The following CYP2J2 variants were observed in gnomAD, a reference collection of about 807,000 sequenced individuals.
CYP2J2 encodes cytochrome P450 2J2.
Under a neutral mutation model 48.8 loss-of-function variants are expected in CYP2J2, and 41 were observed. The ratio of observed to expected loss-of-function variants is 0.84; its 90% CI spans 0.66 to 1.09. The LOEUF (loss-of-function observed/expected upper bound fraction) is 1.09, where lower values mean the gene tolerates loss of function less well. CYP2J2 is among the 50% of genes least tolerant of loss of function. The pLI, the probability that CYP2J2 is intolerant of heterozygous loss-of-function variation, is 0.00. For synonymous variants in CYP2J2, 221 were observed against 227.1 expected (o/e 0.97, Z 0.24); for missense variants, 644 against 617.3 (o/e 1.04, Z -0.46).
rs181737961 is a variant in CYP2J2, at chr1:59,926,692, G to A, written c.55C>T (p.Arg19Trp). The change falls in exon 1 of 9, where the codon CGG becomes TGG. Residue 19 changes from arginine to tryptophan, a missense_variant. Arg to Trp is a moderately radical substitution (Grantham distance 101, BLOSUM62 -3). Transcript: ENST00000371204. ...GCGACAGTGCCCAGTAGGAGAGTCC[G>A]AGGATGGACCACTGCCCAGAGGGCA... Reference protein sequence around the residue: ...AAALWAVVHPRTLLLGTVAFL... With the variant: ...AAALWAVVHPWTLLLGTVAFL... 187 of 1,614,100 alleles carry A rather than the reference G, an allele frequency of 1.2e-4. No homozygotes were observed. The East Asian group carries it at 3.6e-3, about 31-fold the overall frequency.
chr1:59,901,632 G>A (rs1644320688), intron 7 of CYP2J2, among the ~76,000 whole-genome samples: 1 of 152,182 alleles, frequency 6.6e-6, no homozygotes. Flanking sequence ...AGGAGCCCCT[G>A]TCCATCCAGG....
rs948733232 is a variant in CYP2J2, at chr1:59,893,735, G to A, written c.1425C>T (p.Asn475=). The A allele has an allele frequency of 1.2e-6, 2 of 1,613,250 alleles. No homozygotes were observed. Among genetic ancestry groups the A allele is most frequent in the South Asian group, 1.1e-5 (1 of 90,698 alleles). ...TAAACTTCAGGCTCAGCTTCTCATT[G>A]TTTGGGGGCCTGAAGGTAAATTTTT... ...LMQKFTFRPP[N]NEKLSLKFRM... is the part of the protein sequence containing the mutation. Residue 475 remains asparagine, a synonymous_variant, in exon 9 of 9, where the codon AAC becomes AAT. Coordinates refer to ENST00000371204, the MANE Select transcript of CYP2J2 (RefSeq NM_000775.4).
intron 4 of CYP2J2, among the ~76,000 whole-genome samples, chr1:59,910,939 AT>A (rs1306187978): frequency 6.6e-6 from 1 of 152,210 alleles, no homozygotes; most frequent in African/African-American, 2.4e-5. Context: ...GAATTAGAAG[AT>A]TGATGATATT....
At chr1:59,952,684 C>A in the CYP2J2 span, among the ~76,000 whole-genome samples, 1 of 152,128 alleles carries the variant, frequency 6.6e-6, no homozygotes, top group African/African-American at 2.4e-5. Flanking sequence ...ATCAGAAATA[C>A]AAGTACTCCA....
chr1:59,901,253 C>G (rs1346453050), intron 7 of CYP2J2, 150 bp from the exon 8 acceptor site: 1 of 656,160 alleles, frequency 1.5e-6, no homozygotes, highest in East Asian at 2.6e-5. Flanking sequence ...CTGTGTCCCC[C>G]AACCCAGGAC....
chr1:59,912,810 C>T (rs1165900218), intron 2 of CYP2J2: 1 of 153,686 alleles, frequency 6.5e-6, no homozygotes, highest in East Asian at 1.9e-4. Context: ...CTTAAAGAGG[C>T]TAAGGCTAAG....
intron 8 of CYP2J2, among the ~76,000 whole-genome samples, chr1:59,896,222 ATATCAGTGG>A (rs1644267531): frequency 6.6e-6 from 1 of 152,154 alleles, no homozygotes; most frequent in South Asian, 2.1e-4. Context: ...CCCCTAGCTT[ATATCAGTGG>A]GCAGAGCTAA....
upstream of CYP2J2, among the ~76,000 whole-genome samples, chr1:59,929,897 C>T (rs1644595135): frequency 6.6e-6 from 1 of 152,020 alleles, no homozygotes; most frequent in Admixed American, 6.6e-5. Context: ...AGCATTAATC[C>T]ATGTATCCAA....
chr1:59,959,147 T>C, the CYP2J2 span, among the ~76,000 whole-genome samples: 2 of 152,178 alleles, frequency 1.3e-5, no homozygotes, highest in Non-Finnish European at 2.9e-5. Flanking sequence ...AATTTCTCCC[T>C]GTATGTTGGA....
At chr1:59,908,429 T>A (rs1300123822) in intron 5 of CYP2J2, among the ~76,000 whole-genome samples, 1 of 152,216 alleles carries the variant, frequency 6.6e-6, no homozygotes, top group Non-Finnish European at 1.5e-5. Context: ...AAAAGGCAAA[T>A]GGAATTTCTC....
intron 7 of CYP2J2, among the ~76,000 whole-genome samples, chr1:59,903,471 C>T (rs569763124): frequency 6.6e-6 from 1 of 152,222 alleles, no homozygotes; most frequent in African/African-American, 2.4e-5. Flanking sequence ...GGGAGGTAAA[C>T]ATCGGATAGA....
the CYP2J2 span, among the ~76,000 whole-genome samples, chr1:59,969,201 T>C: frequency 6.6e-6 from 1 of 152,198 alleles, no homozygotes; most frequent in Non-Finnish European, 1.5e-5. Context: ...TGAAAGGGGA[T>C]CCGAGCGGGT....
chr1:59,966,175 A>G, the CYP2J2 span, among the ~76,000 whole-genome samples: 1 of 152,194 alleles, frequency 6.6e-6, no homozygotes, highest in Non-Finnish European at 1.5e-5. Flanking sequence ...AGAGAGAAAT[A>G]GTGGTTAAGC....
chr1:59,931,478 T>A (rs958237920), upstream of CYP2J2, among the ~76,000 whole-genome samples: 3 of 152,096 alleles, frequency 2.0e-5, no homozygotes, highest in Non-Finnish European at 4.4e-5. Context: ...ACATTTTTTT[T>A]AAATTAAAGC....
At chr1:59,927,811 G>A (rs938614423), upstream of CYP2J2, among the ~76,000 whole-genome samples, 1 of 152,098 alleles carries the variant, frequency 6.6e-6, no homozygotes, top group Non-Finnish European at 1.5e-5. Flanking sequence ...GACCATAGGT[G>A]ATCTGCCCAC....
chr1:59,918,085 A>G (rs1265161075), intron 1 of CYP2J2, among the ~76,000 whole-genome samples: 1 of 152,174 alleles, frequency 6.6e-6, no homozygotes, highest in East Asian at 1.9e-4. Flanking sequence ...CTGTCTTGCT[A>G]GGAAAAGCAG....
intron 3 of CYP2J2, 66 bp downstream of exon 3, chr1:59,912,092 CACTT>C: frequency 6.9e-7 from 1 of 1,448,874 alleles, no homozygotes; most frequent in African/African-American, 1.4e-5. Context: ...AGCACTTACT[CACTT>C]AGTAAGTATC....
At chr1:59,964,922 T>C in the CYP2J2 span, among the ~76,000 whole-genome samples, 1 of 152,132 alleles carries the variant, frequency 6.6e-6, no homozygotes, top group Admixed American at 6.6e-5. Flanking sequence ...ATGGGGCCAG[T>C]TAAGAGTCTA....
At chr1:59,946,032 T>A in the CYP2J2 span, among the ~76,000 whole-genome samples, 1 of 152,252 alleles carries the variant, frequency 6.6e-6, no homozygotes, top group East Asian at 1.9e-4. Context: ...TGAACATTCA[T>A]GCACAATCGT....
Sources: gnomAD v4.1 joint callset for allele counts (sites outside exome capture counted in the v4.1 genomes callset) on GRCh38, gnomAD v4.1.1 for gene constraint, MANE v1.5 for transcripts, NCBI Gene and HGNC (gene_info 2026-07-23, HGNC 2026-07-21) for gene names.